The following LRRC7 variants were observed in gnomAD, a reference collection of about 807,000 sequenced individuals.
The protein encoded by LRRC7 is leucine rich repeat containing 7, also known as leucine-rich repeat-containing protein 7.
Under a neutral mutation model 175.7 loss-of-function variants are expected in LRRC7, and 23 were observed. The observed-to-expected ratio is 0.13, with a 90% CI of 0.09 to 0.19. The LOEUF (loss-of-function observed/expected upper bound fraction) is 0.19. LRRC7 is among the 10% of genes least tolerant of loss of function. The pLI is 1.00. For missense variants in LRRC7, 1,354 were observed against 1,904.7 expected (o/e 0.71, Z 5.38); for synonymous variants, 685 against 680.9 (o/e 1.01, Z -0.09).
intron 24 of LRRC7, among the ~76,000 whole-genome samples, chr1:70,083,916 A>ATATTGCT (rs1290108528): frequency 4.6e-5 from 7 of 152,132 alleles, no homozygotes; most frequent in Non-Finnish European, 1.0e-4. Context: ...AAAAGCTTCC[A>ATATTGCT]TATTGCTTTC....
At chr1:69,990,133 CAGAA>C (rs1654295760) in intron 10 of LRRC7, among the ~76,000 whole-genome samples, 1 of 152,014 alleles carries the variant, frequency 6.6e-6, no homozygotes, top group Admixed American at 6.6e-5. Context: ...AAAACAAACT[CAGAA>C]GGAAGGAAGT....
chr1:69,784,275 G>A (rs1674140997), intron 3 of LRRC7, among the ~76,000 whole-genome samples: 1 of 152,044 alleles, frequency 6.6e-6, no homozygotes, highest in African/African-American at 2.4e-5. Flanking sequence ...CAAGAAATTG[G>A]TTGCCTCTCA....
intron 4 of LRRC7, among the ~76,000 whole-genome samples, chr1:69,822,837 A>C (rs1435661999): frequency 1.3e-5 from 2 of 152,224 alleles, no homozygotes; most frequent in African/African-American, 4.8e-5. Context: ...CCAAACTCCC[A>C]CAAAAATACT....
chr1:69,618,457 G>T (rs966095625), intron 1 of LRRC7, among the ~76,000 whole-genome samples: 16 of 152,060 alleles, frequency 1.1e-4, no homozygotes, highest in Admixed American at 8.5e-4. Flanking sequence ...CTTAATCACT[G>T]CTACATGAGG....
intron 7 of LRRC7, among the ~76,000 whole-genome samples, chr1:69,878,799 T>C (rs1686278434): frequency 6.7e-6 from 1 of 149,414 alleles, no homozygotes; most frequent in Admixed American, 6.7e-5. Context: ...ATACTATATA[T>C]ATAAATAAAT....
chr1:69,727,253 G>A (rs1346339805), intron 2 of LRRC7, among the ~76,000 whole-genome samples: 4 of 152,204 alleles, frequency 2.6e-5, no homozygotes, highest in Non-Finnish European at 5.9e-5. Flanking sequence ...GAGAATGAAT[G>A]ATTCCATCCT....
At chr1:69,737,143 G>C (rs1668205192) in intron 2 of LRRC7, among the ~76,000 whole-genome samples, 1 of 152,066 alleles carries the variant, frequency 6.6e-6, no homozygotes, top group Non-Finnish European at 1.5e-5. Context: ...CCAGAGATTA[G>C]ACAAACTCTG....
intron 26 of LRRC7, among the ~76,000 whole-genome samples, chr1:70,113,911 A>G (rs940866587): frequency 6.6e-6 from 1 of 152,114 alleles, no homozygotes; most frequent in African/African-American, 2.4e-5. Flanking sequence ...CTTCCACACA[A>G]CACATTTTGG....
At chr1:69,618,778 C>T (rs1170104338) in intron 1 of LRRC7, among the ~76,000 whole-genome samples, 1 of 152,156 alleles carries the variant, frequency 6.6e-6, no homozygotes, top group Non-Finnish European at 1.5e-5. Flanking sequence ...TCGCCTAAAG[C>T]TATAGGATCC....
rs529286804 is a variant in LRRC7, at chr1:70,136,581, A to G, written c.*14694A>G. Among the ~76,000 whole-genome samples the G allele has an allele frequency of 1.3e-5, 2 of 152,294 alleles. No homozygotes were observed. Among genetic ancestry groups the G allele is most frequent in the South Asian group, 4.1e-4 (2 of 4,820 alleles). ...TCCTACCCCTCAAGAAACACAGTCT[A>G]GTGGGGAGACACACAAAAAGTCTAA... On this transcript the variant is annotated 3_prime_UTR_variant, in exon 27 of 27. Transcript: ENST00000651989.
chr1:69,597,135 A>G (rs1050391721), intron 1 of LRRC7, among the ~76,000 whole-genome samples: 1 of 152,180 alleles, frequency 6.6e-6, no homozygotes, highest in Non-Finnish European at 1.5e-5. Context: ...AAATAAGTCT[A>G]TATGTGACGG....
At chr1:69,986,635 A>G (rs1653956924) in intron 10 of LRRC7, among the ~76,000 whole-genome samples, 1 of 152,204 alleles carries the variant, frequency 6.6e-6, no homozygotes, top group African/African-American at 2.4e-5. Context: ...AAAAATTGTT[A>G]TATCTCCAAA....
chr1:70,106,958 CA>C (rs1665187428), intron 25 of LRRC7, among the ~76,000 whole-genome samples: 7 of 152,204 alleles, frequency 4.6e-5, no homozygotes, highest in Admixed American at 4.6e-4. Context: ...ACACTTGTCA[CA>C]ATGTTTATAA....
At chr1:69,890,025 CAA>C (rs1182013077) in intron 7 of LRRC7, among the ~76,000 whole-genome samples, 2 of 152,318 alleles carry the variant, frequency 1.3e-5, no homozygotes, top group Admixed American at 6.5e-5. Flanking sequence ...TTAAACCCCT[CAA>C]AGTCATCCAT....
intron 7 of LRRC7, among the ~76,000 whole-genome samples, chr1:69,888,276 T>C (rs1220078966): frequency 1.3e-5 from 2 of 152,174 alleles, no homozygotes; most frequent in Non-Finnish European, 2.9e-5. Context: ...CGAGACTCTG[T>C]GGGCGTAGGA....
intron 8 of LRRC7, among the ~76,000 whole-genome samples, chr1:69,973,545 A>ATT (rs2101873108): frequency 6.6e-6 from 1 of 152,220 alleles, no homozygotes; most frequent in Admixed American, 6.5e-5. Context: ...CAAAATATAT[A>ATT]TTTTCTTTGT....
intron 7 of LRRC7, among the ~76,000 whole-genome samples, chr1:69,930,934 C>T (rs892933099): frequency 1.3e-5 from 2 of 151,444 alleles, no homozygotes; most frequent in Admixed American, 6.6e-5. Context: ...CCTCAGTATA[C>T]GATTATGGGG....
Position 69,569,970 on chromosome 1 carries a change from C to T in LRRC7, c.2+1329C>T, listed in dbSNP as rs1030358052. ...TCGGTAAGACACAGGGGTCCTCCCC[C>T]TGCTCTTTTCAATTACTTTCCCAAT... is the stretch of plus-strand genomic sequence containing the variant. On this transcript the variant is annotated intron_variant, in intron 1 of 26. Transcript: ENST00000651989. Among the ~76,000 whole-genome samples the T allele has an allele frequency of 2.6e-5, 4 of 151,318 alleles. No individual in the cohort carries two copies. In the South Asian group the frequency reaches 8.4e-4, roughly 32 times the overall value.
chr1:69,619,875 A>G (rs1038523485), intron 1 of LRRC7, among the ~76,000 whole-genome samples: 4 of 152,182 alleles, frequency 2.6e-5, no homozygotes, highest in African/African-American at 9.6e-5. Context: ...AATGAATGAA[A>G]TTGCAAACCT....
Sources: gnomAD v4.1 joint callset for allele counts (sites outside exome capture counted in the v4.1 genomes callset) on GRCh38, gnomAD v4.1.1 for gene constraint, MANE v1.5 for transcripts, NCBI Gene and HGNC (gene_info 2026-07-23, HGNC 2026-07-21) for gene names.